The following HHIPL1 variants were observed in gnomAD, a reference collection of about 807,000 sequenced individuals.
The protein encoded by HHIPL1 is HHIP like 1, also known as HHIP-like protein 1.
In HHIPL1, 43 loss-of-function variants were observed where a neutral mutation model predicts 61.8. The observed-to-expected ratio is 0.70, with a 90% CI of 0.55 to 0.90. The LOEUF is 0.90. Among genes scored for constraint, HHIPL1 ranks in the 40% least tolerant of loss-of-function variants. The pLI is 0.00. For synonymous variants in HHIPL1, 482 were observed against 515.8 expected, an observed-to-expected ratio of 0.93 and a Z score of 0.89; for missense variants, 1,056 against 1,157.7, an observed-to-expected ratio of 0.91 and a Z score of 1.28.
intron 7 of HHIPL1, among the ~76,000 whole-genome samples, chr14:99,670,460 T>C (rs2056315512): frequency 6.6e-6 from 1 of 152,244 alleles, no homozygotes. Flanking sequence ...CAATGCCCTT[T>C]TCCTGTTCCA....
Position 99,678,962 on chromosome 14 carries a change from G to A in HHIPL1, c.*3336G>A, listed in dbSNP as rs557398447. ...CTACAACAGCTGACCTCTGCTGAGC[G>A]CTTACTACATGCCAAGCACTGCTCT... On this transcript the variant is annotated 3_prime_UTR_variant, in exon 9 of 9. Coordinates refer to ENST00000330710, the MANE Select transcript of HHIPL1 (RefSeq NM_001127258.3). 2.0e-5 allele frequency: 3 copies of A among 152,338 alleles called. No homozygotes were observed. Among genetic ancestry groups the A allele is most frequent in the African/African-American group, 7.2e-5 (3 of 41,576 alleles). 9.4% of individuals were successfully genotyped at this position (152,338 alleles called of 1,614,324 possible). A position where few individuals can be genotyped will look rare whatever the true frequency, so the allele number is the denominator to read the frequency against.
the HHIPL1 span, among the ~76,000 whole-genome samples, chr14:99,608,795 C>T: frequency 2.0e-3 from 311 of 152,318 alleles, 1 homozygote; most frequent in African/African-American, 7.1e-3. Context: ...ACCCTCTGTT[C>T]CCATTTTACA....
intron 7 of HHIPL1, chr14:99,669,086 G>T: frequency 7.0e-7 from 1 of 1,433,104 alleles, no homozygotes; most frequent in Non-Finnish European, 9.1e-7. Flanking sequence ...CCTCTGTCCA[G>T]CCCTTCCTCA....
chr14:99,616,816 G>A, the HHIPL1 span, among the ~76,000 whole-genome samples: 1 of 152,152 alleles, frequency 6.6e-6, no homozygotes, highest in East Asian at 1.9e-4. Context: ...AAATCTGGGG[G>A]AAAAGGATTT....
At chr14:99,613,850 G>T in the HHIPL1 span, among the ~76,000 whole-genome samples, 4 of 152,108 alleles carry the variant, frequency 2.6e-5, no homozygotes, top group South Asian at 2.1e-4. Flanking sequence ...GTGGGAGGTT[G>T]CAGTGAGCCG....
At chr14:99,617,851 C>G in the HHIPL1 span, among the ~76,000 whole-genome samples, 1 of 152,174 alleles carries the variant, frequency 6.6e-6, no homozygotes, top group Non-Finnish European at 1.5e-5. Flanking sequence ...TTCCTCCTCC[C>G]ATCCTCCCAA....
At chr14:99,669,143 C>G in intron 7 of HHIPL1, 1 of 1,368,568 alleles carries the variant, frequency 7.3e-7, no homozygotes, top group Non-Finnish European at 9.4e-7. Context: ...ACGACTGACT[C>G]TCTCCCAGCT....
At chr14:99,657,308 C>T (rs1442137895) in intron 3 of HHIPL1, among the ~76,000 whole-genome samples, 165 bp downstream of exon 3, 1 of 152,212 alleles carries the variant, frequency 6.6e-6, no homozygotes, top group Non-Finnish European at 1.5e-5. Flanking sequence ...AGGCAAGTCA[C>T]TTGCCCTCAT....
the HHIPL1 span, among the ~76,000 whole-genome samples, chr14:99,634,137 G>A: frequency 6.6e-6 from 1 of 152,200 alleles, no homozygotes; most frequent in African/African-American, 2.4e-5. Flanking sequence ...TCCCCCTGGA[G>A]ACCTGAGCTC....
the HHIPL1 span, among the ~76,000 whole-genome samples, chr14:99,618,600 TCTGGGCTCACCCACCCAG>T: frequency 6.6e-6 from 1 of 152,214 alleles, no homozygotes; most frequent in Non-Finnish European, 1.5e-5. Flanking sequence ...TGAGGTCCGC[TCTGGGCTCACCCACCCAG>T]CTGAAAACCT....
the HHIPL1 span, among the ~76,000 whole-genome samples, chr14:99,614,789 C>A: frequency 6.6e-6 from 1 of 152,098 alleles, no homozygotes; most frequent in Admixed American, 6.5e-5. Context: ...CTGGAGGGGA[C>A]GAGGGTTTCC....
chr14:99,652,334 C>T lies in HHIPL1; in HGVS notation c.366C>T (p.Cys122=). The change falls in exon 2 of 9, where the codon TGC becomes TGT. Residue 122 remains cysteine (C), a synonymous_variant. Coordinates refer to ENST00000330710, the MANE Select transcript of HHIPL1 (RefSeq NM_001127258.3). ...ACTGCCTGGACATGTGGCATAAGTG[C>T]CGGGGGCTGTTCCGTCACCTGTCAA... ...QDYCLDMWHK[C]RGLFRHLSTD... is the part of the protein sequence containing the mutation. 6.2e-7 allele frequency: 1 copy of T among 1,614,176 alleles called. No homozygotes were observed. The highest frequency in any genetic ancestry group is 8.5e-7 in the Non-Finnish European group (1 of 1,180,042).
chr14:99,657,080 T>A lies in HHIPL1; in HGVS notation c.983T>A (p.Ile328Asn). The A allele has an allele frequency of 6.2e-7, 1 of 1,613,650 alleles. No individual in the cohort carries two copies. The highest frequency in any genetic ancestry group is 8.5e-7 in the Non-Finnish European group (1 of 1,179,836). Residue 328 changes from isoleucine to asparagine, a missense_variant, in exon 3 of 9, where the codon ATC (isoleucine) becomes AAC (asparagine). Transcript: ENST00000330710. ...TTCGGGGATGACGGGTACCTCTACA[T>A]CTTCACTGGAGATGGCGGGATGGCC... Reference protein sequence around the residue: ...LLFGDDGYLYIFTGDGGMAGD... With the variant: ...LLFGDDGYLYNFTGDGGMAGD...
chr14:99,618,530 G>A, the HHIPL1 span, among the ~76,000 whole-genome samples: 2 of 152,242 alleles, frequency 1.3e-5, no homozygotes, highest in Non-Finnish European at 2.9e-5. Flanking sequence ...AGTCCCGCTT[G>A]TAGCCTGATG....
rs1156922624 is a variant in HHIPL1, at chr14:99,668,134, A to T, written c.1649-88A>T. Reference sequence around the variant, plus strand: ...TAGCTGGGGTTGGGGTCTATTTCCAAGCCTGCAGGGAGCCGGGTGGTGAGG... The same window carrying T: ...TAGCTGGGGTTGGGGTCTATTTCCATGCCTGCAGGGAGCCGGGTGGTGAGG... On this transcript the variant is annotated intron_variant, in intron 6 of 8. Transcript: ENST00000330710. The surrounding 1 kb of genome is among the most constrained non-coding windows in gnomAD (Gnocchi z 4.7). 6.1e-6 allele frequency: 5 copies of T among 817,720 alleles called. No homozygotes were observed. The highest frequency in any genetic ancestry group is 1.1e-5 in the Non-Finnish European group (5 of 456,614). 50.7% of individuals were successfully genotyped at this position (817,720 alleles called of 1,614,324 possible).
At position 99,668,216 on chromosome 14, in the gene HHIPL1, C is replaced by T. The variant is rs761908901; in HGVS notation, c.1649-6C>T. ...GGTCTCACTAGTCACTTTGTTCTGT[C>T]CAAAGGGGAGCTGTACTTCATGTCG... is the stretch of plus-strand genomic sequence containing the variant. On this transcript the variant is annotated splice_polypyrimidine_tract_variant and splice_region_variant and intron_variant, in intron 6 of 8. Transcript: ENST00000330710. The surrounding 1 kb of genome is among the most constrained non-coding windows in gnomAD (Gnocchi z 4.7). The T allele has an allele frequency of 6.3e-7, 1 of 1,594,406 alleles. No individual in the cohort carries two copies. Among genetic ancestry groups the T allele is most frequent in the Non-Finnish European group, 8.6e-7 (1 of 1,162,088 alleles).
the HHIPL1 span, among the ~76,000 whole-genome samples, chr14:99,607,387 C>G: frequency 2.6e-5 from 4 of 152,116 alleles, no homozygotes; most frequent in Non-Finnish European, 5.9e-5. Flanking sequence ...AACAGTCATA[C>G]TGTAGGTGCC....
the HHIPL1 span, among the ~76,000 whole-genome samples, chr14:99,606,226 C>CCAG: frequency 6.6e-6 from 1 of 152,302 alleles, no homozygotes; most frequent in Non-Finnish European, 1.5e-5. Flanking sequence ...CCCAAGAGAA[C>CCAG]CAGCTCCTGA....
At chr14:99,663,070 G>T (rs753733105) in intron 6 of HHIPL1, 49 bp downstream of exon 6, 2 of 1,533,546 alleles carry the variant, frequency 1.3e-6, no homozygotes, top group Non-Finnish European at 1.8e-6. Flanking sequence ...GCCTGGGACT[G>T]GTCCTCCACC....
Sources: gnomAD v4.1 joint callset for allele counts (sites outside exome capture counted in the v4.1 genomes callset) on GRCh38, gnomAD v4.1.1 for gene constraint, Gnocchi (gnomAD v3.1) non-coding constraint, MANE v1.5 for transcripts, NCBI Gene and HGNC (gene_info 2026-07-23, HGNC 2026-07-21) for gene names.